TPM1: variants seen among roughly 807,000 people sequenced by gnomAD.
The protein encoded by TPM1 is tropomyosin alpha-1 chain.
Under a neutral mutation model 42.9 loss-of-function variants are expected in TPM1, and 24 were observed. The observed-to-expected ratio is 0.56, with a 90% CI of 0.41 to 0.79. The LOEUF (loss-of-function observed/expected upper bound fraction) is 0.79. TPM1 is among the 30% of genes least tolerant of loss of function. TPM1 has a pLI of 0.00. For synonymous variants in TPM1, 136 were observed against 130.1 expected (o/e 1.05, Z -0.31); for missense variants, 158 against 351.8 (o/e 0.45, Z 4.41).
At chr15:63,071,857 A>G (rs1377612710) in exon 9 of TPM1, 2 of 153,606 alleles carry the variant, frequency 1.3e-5, no homozygotes, top group East Asian at 1.9e-4. Flanking sequence ...AGTTTTAACT[A>G]TATGTAAACA....
At chr15:63,051,667 C>A (rs1197234092) in intron 2 of TPM1, among the ~76,000 whole-genome samples, 2 of 152,134 alleles carry the variant, frequency 1.3e-5, no homozygotes, top group Non-Finnish European at 2.9e-5. Context: ...ATAAAAAGAC[C>A]TGACCTTTGA....
At chr15:63,066,403 A>AG (rs2036277713), downstream of TPM1, among the ~76,000 whole-genome samples, 1 of 152,176 alleles carries the variant, frequency 6.6e-6, no homozygotes, top group African/African-American at 2.4e-5. Context: ...TGGGTCACAC[A>AG]GGGGACATTG....
At chr15:63,045,699 G>T (rs547931660) in intron 2 of TPM1, 2 of 152,206 alleles carry the variant, frequency 1.3e-5, no homozygotes. Context: ...AATAATTATT[G>T]TAACTATGTA....
intron 2 of TPM1, chr15:63,044,599 C>A: frequency 3.2e-6 from 1 of 316,682 alleles, no homozygotes; most frequent in Non-Finnish European, 5.9e-6. Flanking sequence ...GAGAACCTGG[C>A]CTCTAAATGA....
At chr15:63,044,522 T>A in intron 2 of TPM1, 1 of 512,318 alleles carries the variant, frequency 2.0e-6, no homozygotes, top group African/African-American at 1.9e-5. Context: ...TTCTTCACTT[T>A]CTTTCCTTTT....
intron 1 of TPM1, chr15:63,043,358 GGGA>G: frequency 3.5e-6 from 2 of 564,904 alleles, no homozygotes; most frequent in Non-Finnish European, 3.4e-6. Flanking sequence ...CTTAAACTTG[GGGA>G]GGAGAAGGGA....
At chr15:63,054,913 C>T (rs528753364) in intron 2 of TPM1, among the ~76,000 whole-genome samples, 2 of 151,916 alleles carry the variant, frequency 1.3e-5, no homozygotes, top group South Asian at 2.1e-4. Context: ...GAGTCTCCCC[C>T]CCACCCTCAA....
intron 9 of TPM1, chr15:63,064,583 T>C: frequency 1.9e-6 from 2 of 1,039,362 alleles, no homozygotes; most frequent in Non-Finnish European, 2.3e-6. Context: ...AAGTGTCAGG[T>C]TATTGAGAAT....
At chr15:63,048,495 G>A (rs1221108797) in intron 2 of TPM1, 1 of 1,455,764 alleles carries the variant, frequency 6.9e-7, no homozygotes, top group Non-Finnish European at 9.0e-7. Context: ...GGGCAGCCAG[G>A]ACAGCCGCGG....
chr15:63,065,779 G>T (rs1363061496), intron 9 of TPM1, 117 bp from the exon 10 acceptor site: 2 of 1,402,516 alleles, frequency 1.4e-6, no homozygotes, highest in South Asian at 2.6e-5. Context: ...GGGTTTGCAT[G>T]ACTGCTTCTT....
Position 63,066,049 on chromosome 15 carries a change from A to G in TPM1, c.*150A>G. The G allele has an allele frequency of 6.5e-7, 1 of 1,540,538 alleles. No homozygotes were observed. The highest frequency in any genetic ancestry group is 8.7e-7 in the Non-Finnish European group (1 of 1,146,044). On this transcript the variant is annotated 3_prime_UTR_variant, in exon 10 of 10. Coordinates refer to ENST00000403994, the MANE Select transcript of TPM1 (RefSeq NM_001018005.2). ...AGGCACACACTGTGCTTTCTATTGTACAGAAGCTCTTCGTTTCAGTGTCAA... is the reference window on the plus strand; with the variant it reads ...AGGCACACACTGTGCTTTCTATTGTGCAGAAGCTCTTCGTTTCAGTGTCAA...
downstream of TPM1, among the ~76,000 whole-genome samples, chr15:63,067,247 G>A (rs1018606370): frequency 5.3e-5 from 8 of 152,154 alleles, no homozygotes; most frequent in African/African-American, 7.2e-5. Flanking sequence ...TCAAAGCATA[G>A]AGGAAATACT....
chr15:63,065,009 G>A, intron 9 of TPM1: 2 of 985,314 alleles, frequency 2.0e-6, no homozygotes, highest in Non-Finnish European at 2.4e-6. Context: ...CCTCTGCTGA[G>A]TAACCAAGCC....
At chr15:63,064,875 G>A in intron 9 of TPM1, 1 of 596,764 alleles carries the variant, frequency 1.7e-6, no homozygotes, top group Non-Finnish European at 2.1e-6. Flanking sequence ...GCTGAGGCAG[G>A]AGAATGGCAT....
chr15:63,070,137 A>C, downstream of TPM1: 1 of 1,443,706 alleles, frequency 6.9e-7, no homozygotes, highest in African/African-American at 1.4e-5. Flanking sequence ...CGTTCTCTTT[A>C]ATCACAAAAC....
At chr15:63,067,010 CA>C (rs1660862048), downstream of TPM1, among the ~76,000 whole-genome samples, 1 of 151,824 alleles carries the variant, frequency 6.6e-6, no homozygotes, top group South Asian at 2.1e-4. Context: ...TAAAAAAATA[CA>C]TTGCAAAAAA....
At chr15:63,051,503 T>C (rs1463527606) in intron 2 of TPM1, among the ~76,000 whole-genome samples, 2 of 152,164 alleles carry the variant, frequency 1.3e-5, no homozygotes, top group Non-Finnish European at 2.9e-5. Context: ...TGTTTATCTG[T>C]TATCCATGGG....
At chr15:63,071,590 A>T (rs1329086238) in exon 9 of TPM1, 1 of 255,054 alleles carries the variant, frequency 3.9e-6, no homozygotes, top group African/African-American at 2.2e-5. Flanking sequence ...ACAATGTAGA[A>T]CTCTGTCCAA....
chr15:63,060,611 G>A (rs1034389846), intron 4 of TPM1, among the ~76,000 whole-genome samples: 3 of 152,090 alleles, frequency 2.0e-5, no homozygotes, highest in Admixed American at 1.3e-4. Context: ...TCTGGCTGCC[G>A]GTTCACCTAG....
Sources: allele counts gnomAD v4.1 joint callset (sites outside exome capture counted in the v4.1 genomes callset), GRCh38; gene constraint gnomAD v4.1.1; transcripts MANE v1.5; gene names NCBI Gene and HGNC (gene_info 2026-07-23, HGNC 2026-07-21).